ADAMTS17: variants seen among roughly 807,000 people sequenced by gnomAD.
The protein encoded by ADAMTS17 is A disintegrin and metalloproteinase with thrombospondin motifs 17.
A neutral mutation model predicts 141.5 loss-of-function variants in ADAMTS17; 113 were observed. That is an observed-to-expected ratio of 0.80 (90% confidence interval 0.69 to 0.93). The LOEUF is 0.93. Ranked by LOEUF, ADAMTS17 falls within the 40% of genes least tolerant of loss-of-function variation. The pLI, the probability that ADAMTS17 is intolerant of heterozygous loss-of-function variation, is 0.00. For missense variants in ADAMTS17, 1,659 were observed against 1,517.9 expected, an observed-to-expected ratio of 1.09 and a Z score of -1.54; for synonymous variants, 768 against 630.6, an observed-to-expected ratio of 1.22 and a Z score of -3.27.
chr15:100,152,496 G>A, intron 10 of ADAMTS17, 116 bp downstream of exon 10: 2 of 1,357,336 alleles, frequency 1.5e-6, no homozygotes, highest in Non-Finnish European at 2.1e-6. Context: ...CTGTGCTTGT[G>A]TGTGTATGTG....
At chr15:100,132,183 G>A in intron 11 of ADAMTS17, 31 bp from the exon 12 acceptor site, 6 of 1,609,168 alleles carry the variant, frequency 3.7e-6, no homozygotes, top group Non-Finnish European at 5.1e-6. Flanking sequence ...TCGGGGCCCA[G>A]GCACTCAGCA....
At chr15:100,099,188 C>A (rs7181519) in intron 14 of ADAMTS17, among the ~76,000 whole-genome samples, 58,051 of 152,032 alleles carry the variant, frequency 0.38, 12,602 homozygotes, top group African/African-American at 0.59. Context: ...GGGGCTGGGA[C>A]AGGTCCATGG....
At chr15:100,086,523 C>A (rs147173172) in intron 15 of ADAMTS17, among the ~76,000 whole-genome samples, 5,843 of 152,104 alleles carry the variant, frequency 0.038, 396 homozygotes, top group African/African-American at 0.13. Flanking sequence ...AACTCTCCAC[C>A]CCAAATCAAC....
chr15:100,108,697 C>T (rs1460658948), intron 14 of ADAMTS17, among the ~76,000 whole-genome samples: 1 of 152,168 alleles, frequency 6.6e-6, no homozygotes, highest in Non-Finnish European at 1.5e-5. Context: ...ATCTTAGTAC[C>T]CTGCCTACCT....
chr15:100,046,434 T>C (rs1409087713), intron 18 of ADAMTS17, among the ~76,000 whole-genome samples: 3 of 152,226 alleles, frequency 2.0e-5, no homozygotes, highest in Admixed American at 6.5e-5. Flanking sequence ...TCATTTCATC[T>C]GTTTCATTTT....
At chr15:100,249,886 T>TG (rs1596360440) in intron 7 of ADAMTS17, among the ~76,000 whole-genome samples, 1 of 152,116 alleles carries the variant, frequency 6.6e-6, no homozygotes, top group South Asian at 2.1e-4. Context: ...CAGGTTACCC[T>TG]GGGGGGACTA....
In ADAMTS17 at chr15:99,972,997, A is replaced by C. The variant is rs1031264073; in HGVS notation, c.*1405T>G. The C allele has an allele frequency of 6.6e-6, 1 of 152,178 alleles. No individual in the cohort carries two copies. The highest frequency in any genetic ancestry group is 1.5e-5 in the Non-Finnish European group (1 of 68,034). The allele number at this position is 152,178 out of a possible 1,614,324, so 9.4% of individuals were successfully genotyped here. ...GGTGTTATTTACGGTAAAGTCCTAG[A>C]ACATAAGCACCCATGAAATGCCCAC... On this transcript the variant is annotated 3_prime_UTR_variant, in exon 22 of 22. Transcript: ENST00000268070.
In ADAMTS17 at chr15:100,282,419, C is replaced by T. The variant is rs112641224; in HGVS notation, c.617-1018G>A. On this transcript the variant is annotated intron_variant, in intron 3 of 21. Transcript: ENST00000268070. ...GGATCCCTGAAACCACAGACAGTAC[C>T]GAGCCCTACATCTACTAGACTATGT... is the stretch of plus-strand genomic sequence containing the variant. Among the ~76,000 whole-genome samples, 1,230 of 152,238 alleles carry T rather than the reference C, an allele frequency of 8.1e-3. 18 individuals are homozygous for T. The highest frequency in any genetic ancestry group is 0.028 in the African/African-American group (1,151 of 41,532).
intron 8 of ADAMTS17, among the ~76,000 whole-genome samples, chr15:100,191,712 G>A (rs2040923306): frequency 1.3e-5 from 2 of 152,322 alleles, no homozygotes; most frequent in South Asian, 2.1e-4. Flanking sequence ...TGGTCACTGC[G>A]GGGGCACCTC....
At chr15:100,171,785 A>C (rs2141473942) in intron 8 of ADAMTS17, among the ~76,000 whole-genome samples, 1 of 152,260 alleles carries the variant, frequency 6.6e-6, no homozygotes, top group Admixed American at 6.5e-5. Flanking sequence ...GGGGCTGGTA[A>C]ATGTTCATAA....
chr15:100,093,147 G>A (rs544735562), intron 15 of ADAMTS17, among the ~76,000 whole-genome samples: 1 of 152,004 alleles, frequency 6.6e-6, no homozygotes, highest in Non-Finnish European at 1.5e-5. Flanking sequence ...GCTGGAGGGC[G>A]ATAAACGCCC....
chr15:100,195,031 T>C (rs1280538329), intron 8 of ADAMTS17, among the ~76,000 whole-genome samples: 2 of 152,240 alleles, frequency 1.3e-5, no homozygotes, highest in African/African-American at 2.4e-5. Context: ...TTCCTCACAC[T>C]CAACGCTGCC....
intron 3 of ADAMTS17, among the ~76,000 whole-genome samples, chr15:100,312,709 G>A (rs1262501429): frequency 6.6e-6 from 1 of 152,182 alleles, no homozygotes; most frequent in African/African-American, 2.4e-5. Context: ...ACTTTCTGGA[G>A]AAGGTGACAT....
chr15:100,171,856 T>C (rs1380602003), intron 8 of ADAMTS17, among the ~76,000 whole-genome samples: 1 of 152,206 alleles, frequency 6.6e-6, no homozygotes, highest in Non-Finnish European at 1.5e-5. Flanking sequence ...AAGAACTTCT[T>C]TTAAAAGGTC....
chr15:100,081,613 T>G (rs2034741717), intron 15 of ADAMTS17, among the ~76,000 whole-genome samples: 1 of 152,240 alleles, frequency 6.6e-6, no homozygotes, highest in Non-Finnish European at 1.5e-5. Flanking sequence ...CCAGGTCAGC[T>G]ACTGTGAGAA....
At chr15:100,142,191 G>T (rs771438509) in intron 10 of ADAMTS17, among the ~76,000 whole-genome samples, 3 of 152,208 alleles carry the variant, frequency 2.0e-5, no homozygotes, top group Non-Finnish European at 2.9e-5. Flanking sequence ...AAAAATAACT[G>T]GCATCAGAGG....
intron 19 of ADAMTS17, among the ~76,000 whole-genome samples, chr15:99,995,799 T>C (rs548303889): frequency 6.6e-6 from 1 of 152,330 alleles, no homozygotes; most frequent in South Asian, 2.1e-4. Context: ...AATGATTTGA[T>C]TCCAGGTTAA....
At chr15:99,974,915 A>G (rs2060289876) in intron 21 of ADAMTS17, among the ~76,000 whole-genome samples, 2 of 152,254 alleles carry the variant, frequency 1.3e-5, no homozygotes, top group Admixed American at 1.3e-4. Context: ...AACATGGAAC[A>G]GTGGACATCA....
Position 99,982,713 on chromosome 15 carries a change from C to T in ADAMTS17, c.2950-6491G>A, listed in dbSNP as rs2141290334. On this transcript the variant is annotated intron_variant, in intron 20 of 21. Transcript: ENST00000268070. ...CCTTTTGTCAAGGGGCTCATCACAT[C>T]CAATTTCATGTGGCTTCCCAAGATG... Among the ~76,000 whole-genome samples the T allele has an allele frequency of 2.0e-5, 3 of 152,316 alleles. No homozygotes were observed. In the Middle Eastern group the frequency reaches 0.01, roughly 518 times the overall value.
Sources: gnomAD v4.1 joint callset for allele counts (sites outside exome capture counted in the v4.1 genomes callset) on GRCh38, gnomAD v4.1.1 for gene constraint, MANE v1.5 for transcripts, NCBI Gene and HGNC (gene_info 2026-07-23, HGNC 2026-07-21) for gene names.